VIPR2: variants seen among roughly 807,000 people sequenced by gnomAD.
VIPR2 encodes the protein vasoactive intestinal peptide receptor 2, also known as vasoactive intestinal polypeptide receptor 2.
In VIPR2, 48 loss-of-function variants were observed where a neutral mutation model predicts 58.0. The ratio of observed to expected loss-of-function variants is 0.83; its 90% confidence interval spans 0.66 to 1.05. The LOEUF is 1.05. Among genes scored for constraint, VIPR2 ranks in the 50% least tolerant of loss-of-function variants. VIPR2 has a pLI of 0.00. For missense variants in VIPR2, 534 were observed against 558.0 expected (o/e 0.96, Z 0.43); for synonymous variants, 243 against 235.2 (o/e 1.03, Z -0.30).
intron 4 of VIPR2, among the ~76,000 whole-genome samples, chr7:159,086,961 T>A (rs1470013566): frequency 6.6e-6 from 1 of 152,228 alleles, no homozygotes; most frequent in African/African-American, 2.4e-5. Flanking sequence ...TAGACTCACA[T>A]GTCCTCACGT....
chr7:159,067,086 G>T (rs909997402), intron 4 of VIPR2, among the ~76,000 whole-genome samples: 1 of 152,196 alleles, frequency 6.6e-6, no homozygotes, highest in Non-Finnish European at 1.5e-5. Flanking sequence ...CCATATTTTG[G>T]TGCTCACGGT....
rs150965113 is a variant in VIPR2, at chr7:159,034,600, G to A, written c.860C>T (p.Pro287Leu). Residue 287 changes from proline (P) to leucine (L), a missense_variant, in exon 9 of 13, where the codon CCG (proline) becomes CTG (leucine). Around this residue, in one of 3 missense-constraint regions of VIPR2, gnomAD observed 306 missense variants for 285.8 expected, o/e 1.07. Coordinates refer to ENST00000262178, the MANE Select transcript of VIPR2 (RefSeq NM_003382.5). Reference protein sequence around the residue: ...HSVPWWVIRIPILISIIVNFV... With the variant: ...HSVPWWVIRILILISIIVNFV... ...ACTTACGATGATGGAAATTAAAATC[G>A]GTATTCGTATGACCCACCAGGGCAC... 1.5e-5 allele frequency: 25 copies of A among 1,613,710 alleles called. No homozygotes were observed. The highest frequency in any genetic ancestry group is 1.8e-5 in the Non-Finnish European group (21 of 1,179,814).
At chr7:159,089,674 A>G (rs1857351686) in intron 4 of VIPR2, among the ~76,000 whole-genome samples, 1 of 152,208 alleles carries the variant, frequency 6.6e-6, no homozygotes, top group Admixed American at 6.5e-5. Flanking sequence ...TACATGCTTT[A>G]CAACTCAGGT....
chr7:159,031,390 G>A lies in VIPR2; in HGVS notation c.1143+438C>T. 1 of 972,830 alleles carries A rather than the reference G, an allele frequency of 1.0e-6. No homozygotes were observed. The allele number at this position is 972,830 out of a possible 1,614,324, so 60.3% of individuals were successfully genotyped here. A position where few individuals can be genotyped will look rare whatever the true frequency, so the allele number is the denominator to read the frequency against. On this transcript the variant is annotated intron_variant, in intron 12 of 12. Transcript: ENST00000262178. This position sits in a 1 kb window ranked among gnomAD's most constrained non-coding sequence, Gnocchi z 4.0. ...GCCCGGAGACAGCCTCCCTGGCTGG[G>A]AATGAACGCAGGGCAGAGCTCGGCT...
At chr7:159,060,560 T>C (rs368533642) in intron 4 of VIPR2, among the ~76,000 whole-genome samples, 231 of 143,126 alleles carry the variant, frequency 1.6e-3, no homozygotes, top group Middle Eastern at 4.5e-3. Flanking sequence ...ACCACCTTCA[T>C]CTCCACCTAA....
Position 159,075,740 on chromosome 7 carries a change from C to T in VIPR2, c.358-17162G>A, listed in dbSNP as rs1213358067. On this transcript the variant is annotated intron_variant, in intron 4 of 12. Coordinates refer to ENST00000262178, the MANE Select transcript of VIPR2 (RefSeq NM_003382.5). ...TAGCCCAGGGCCAGCACCCACGGAC[C>T]CACTGCATCAGTGAGTAGCCCAGGG... 4.0e-5 allele frequency among the ~76,000 whole-genome samples: 6 copies of T among 148,870 alleles called. No individual in the cohort carries two copies. In the East Asian group the frequency reaches 5.9e-4, roughly 15 times the overall value.
At chr7:159,118,418 G>C (rs1282971166) in intron 2 of VIPR2, among the ~76,000 whole-genome samples, 1 of 152,198 alleles carries the variant, frequency 6.6e-6, no homozygotes, top group African/African-American at 2.4e-5. Flanking sequence ...CTCAGGGAAC[G>C]AGCTTAAAAC....
chr7:159,053,832 G>C (rs1585371797), intron 5 of VIPR2, among the ~76,000 whole-genome samples: 1 of 152,244 alleles, frequency 6.6e-6, no homozygotes, highest in South Asian at 2.1e-4. Context: ...ACAGGCGTGA[G>C]CCAATGCAAC....
At position 159,034,496 on chromosome 7, in the gene VIPR2, T is replaced by C. The variant is rs1853797219; in HGVS notation, c.879+85A>G. The C allele has an allele frequency of 2.8e-6, 4 of 1,442,448 alleles. No individual in the cohort carries two copies. In the Admixed American group the frequency reaches 6.7e-5, roughly 24 times the overall value. 89.4% of individuals were successfully genotyped at this position (1,442,448 alleles called of 1,614,324 possible). On this transcript the variant is annotated intron_variant, in intron 9 of 12. Coordinates refer to ENST00000262178, the MANE Select transcript of VIPR2 (RefSeq NM_003382.5). ...GAGTGATGCGTGGAATGGGGTCAGT[T>C]CTATTTAATAAAGGATGGCAGGCTT...
chr7:159,039,883 A>G (rs1174665638), intron 6 of VIPR2, among the ~76,000 whole-genome samples: 1 of 152,306 alleles, frequency 6.6e-6, no homozygotes, highest in Middle Eastern at 3.4e-3. Context: ...AGAGAAAAAT[A>G]AAGTGCAGAG....
At chr7:159,143,279 G>A (rs1353866033) in intron 1 of VIPR2, among the ~76,000 whole-genome samples, 1 of 152,162 alleles carries the variant, frequency 6.6e-6, no homozygotes, top group African/African-American at 2.4e-5. Flanking sequence ...TGTTCTTCAC[G>A]CCCTCCGCGA....
intron 4 of VIPR2, among the ~76,000 whole-genome samples, chr7:159,068,276 T>TA (rs1364722947): frequency 2.0e-5 from 3 of 152,086 alleles, no homozygotes; most frequent in East Asian, 3.9e-4. Context: ...CAAGGCCTTT[T>TA]AAAAAAACAG....
chr7:159,121,164 C>G (rs1796439808), intron 2 of VIPR2, among the ~76,000 whole-genome samples: 1 of 152,090 alleles, frequency 6.6e-6, no homozygotes, highest in African/African-American at 2.4e-5. Context: ...CTCAGGAGAC[C>G]TGGGTGGTCA....
intron 3 of VIPR2, among the ~76,000 whole-genome samples, chr7:159,107,535 C>A (rs1433183734): frequency 1.3e-5 from 2 of 152,246 alleles, no homozygotes; most frequent in Non-Finnish European, 1.5e-5. Flanking sequence ...TTTCCCCAAG[C>A]AGCAGTGGTG....
chr7:159,103,775 G>A lies in VIPR2; in HGVS notation c.339C>T (p.Asp113=). ...PDFVDACGYS[D]PEDESKITFY... ...AGCCTACCTTGCTCTCATCCTCCGG[G>A]TCGCTGTAGCCACAGGCATCGACGA... The change falls in exon 4 of 13, where the codon GAC becomes GAT. Residue 113 remains aspartate, a synonymous_variant. Coordinates refer to ENST00000262178, the MANE Select transcript of VIPR2 (RefSeq NM_003382.5). 1 of 1,614,094 alleles carries A rather than the reference G, an allele frequency of 6.2e-7. No homozygotes were observed. The highest frequency in any genetic ancestry group is 1.1e-5 in the South Asian group (1 of 91,074).
chr7:159,144,579 G>C, intron 1 of VIPR2, 142 bp downstream of exon 1: 2 of 1,411,952 alleles, frequency 1.4e-6, no homozygotes, highest in Non-Finnish European at 1.9e-6. Flanking sequence ...TCCGGACCCC[G>C]GGCGACCCCG....
intron 3 of VIPR2, among the ~76,000 whole-genome samples, chr7:159,106,989 C>G (rs893600788): frequency 6.8e-6 from 1 of 147,180 alleles, no homozygotes; most frequent in Non-Finnish European, 1.5e-5. Context: ...CATCCAGGGG[C>G]AGAGAGGCCA....
chr7:159,125,459 G>A (rs536419146), intron 2 of VIPR2, among the ~76,000 whole-genome samples: 1 of 152,288 alleles, frequency 6.6e-6, no homozygotes, highest in East Asian at 1.9e-4. Flanking sequence ...CCCAGGACTG[G>A]AAAGGCCACA....
At chr7:159,118,007 TTC>T (rs1445874740) in intron 2 of VIPR2, among the ~76,000 whole-genome samples, 1 of 152,182 alleles carries the variant, frequency 6.6e-6, no homozygotes, top group East Asian at 1.9e-4. Context: ...ACAACAAAGC[TTC>T]CTCCAGAATC....
Sources: gnomAD v4.1 joint callset for allele counts (sites outside exome capture counted in the v4.1 genomes callset) on GRCh38, gnomAD v4.1.1 for gene constraint, gnomAD v4.1.1 regional missense constraint, Gnocchi (gnomAD v3.1) non-coding constraint, MANE v1.5 for transcripts, NCBI Gene and HGNC (gene_info 2026-07-23, HGNC 2026-07-21) for gene names.